Variants in ZNRF3 observed in about 807,000 individuals in gnomAD.
The protein encoded by ZNRF3 is E3 ubiquitin-protein ligase ZNRF3.
Under a neutral mutation model 72.5 loss-of-function variants are expected in ZNRF3, and 23 were observed. The observed-to-expected ratio is 0.32, with a 90% CI of 0.23 to 0.45. The LOEUF is 0.45. ZNRF3 is among the 20% of genes least tolerant of loss of function. The pLI, the probability that ZNRF3 is intolerant of heterozygous loss-of-function variation, is 1.00. For synonymous variants in ZNRF3, 610 were observed against 545.3 expected, an observed-to-expected ratio of 1.12 and a Z score of -1.65; for missense variants, 1,169 against 1,272.1, an observed-to-expected ratio of 0.92 and a Z score of 1.23.
Position 29,001,388 on chromosome 22 carries a change from A to C in ZNRF3, c.426+14187A>C, listed in dbSNP as rs181820793. 3.0e-3 allele frequency among the ~76,000 whole-genome samples: 455 copies of C among 151,274 alleles called. 4 individuals are homozygous for C. Among genetic ancestry groups the C allele is most frequent in the South Asian group, 0.026 (125 of 4,790 alleles). On this transcript the variant is annotated intron_variant, in intron 2 of 8. Coordinates refer to ENST00000544604, the MANE Select transcript of ZNRF3 (RefSeq NM_001206998.2). Reference sequence around the variant, plus strand: ...TAGACATAAGTCCCTTATTAGATACATTATTTGTAAGTATTTTCTCCCATT... The same window carrying C: ...TAGACATAAGTCCCTTATTAGATACCTTATTTGTAAGTATTTTCTCCCATT...
At chr22:28,922,827 A>G (rs1024079325) in intron 1 of ZNRF3, among the ~76,000 whole-genome samples, 10 of 152,180 alleles carry the variant, frequency 6.6e-5, no homozygotes, top group African/African-American at 2.4e-4. Flanking sequence ...GTGCCCCCAT[A>G]TAACCTTTTC....
At chr22:28,961,938 G>A (rs8140511) in intron 1 of ZNRF3, among the ~76,000 whole-genome samples, 1 of 152,108 alleles carries the variant, frequency 6.6e-6, no homozygotes, top group African/African-American at 2.4e-5. Context: ...TTCCTCAGTA[G>A]CATCAAACAT....
At chr22:28,888,913 C>T (rs1316842671) in intron 1 of ZNRF3, among the ~76,000 whole-genome samples, 2 of 151,920 alleles carry the variant, frequency 1.3e-5, no homozygotes, top group African/African-American at 2.4e-5. Flanking sequence ...GTCAGGAGTT[C>T]GAGACCAGCC....
At chr22:28,944,965 T>A (rs192478407) in intron 1 of ZNRF3, among the ~76,000 whole-genome samples, 228 of 147,078 alleles carry the variant, frequency 1.6e-3, no homozygotes, top group African/African-American at 5.5e-3. Context: ...AAATAAATAA[T>A]AATAATACTC....
In ZNRF3 at chr22:28,954,367, CTCT is replaced by C. The variant is rs2035218499; in HGVS notation, c.301-32704_301-32702del. Among the ~76,000 whole-genome samples the C allele has an allele frequency of 2.0e-5, 3 of 152,306 alleles. No individual in the cohort carries two copies. In the South Asian group the frequency reaches 6.2e-4, roughly 32 times the overall value. ...AGTGAGTGAGCAAGCTCTCTGGCAT[CTCT>C]TCTTAGAAGGGTACTAATCTCATCA... On this transcript the variant is annotated intron_variant, in intron 1 of 8. Transcript: ENST00000544604.
intron 8 of ZNRF3, among the ~76,000 whole-genome samples, chr22:29,052,513 C>T (rs1425972734): frequency 2.6e-5 from 4 of 152,002 alleles, no homozygotes; most frequent in South Asian, 2.1e-4. Flanking sequence ...GCCAACATGG[C>T]GAAACCCCGT....
At position 28,996,488 on chromosome 22, in the gene ZNRF3, G is replaced by C. The variant is rs141885279; in HGVS notation, c.426+9287G>C. On this transcript the variant is annotated intron_variant, in intron 2 of 8. Transcript: ENST00000544604. Reference sequence around the variant, plus strand: ...CTTAATCATTTTTGAGAATGTGAAGGAGGTCTGTAATCTGAGTTCATTGAG... The same window carrying C: ...CTTAATCATTTTTGAGAATGTGAAGCAGGTCTGTAATCTGAGTTCATTGAG... Among the ~76,000 whole-genome samples, 485 of 152,324 alleles carry C rather than the reference G, an allele frequency of 3.2e-3. 8 individuals are homozygous for C. Among genetic ancestry groups the C allele is most frequent in the East Asian group, 0.011 (55 of 5,192 alleles).
In ZNRF3 at chr22:29,049,986, G is replaced by T; in HGVS notation, c.1805G>T (p.Arg602Leu). The T allele has an allele frequency of 6.2e-7, 1 of 1,612,112 alleles. No homozygotes were observed. Among genetic ancestry groups the T allele is most frequent in the Non-Finnish European group, 8.5e-7 (1 of 1,179,660 alleles). The change falls in exon 8 of 9, where the codon CGG becomes CTG. Residue 602 changes from arginine to leucine, a missense_variant. This residue lies in a region of ZNRF3 where 783 missense variants were observed against 731.4 expected (regional missense o/e 1.07). Transcript: ENST00000544604. This position sits in a 1 kb window ranked among gnomAD's most constrained non-coding sequence, Gnocchi z 5.2. ...SDYDPFIYRS[R>L]SPCRASEAGG... ...TATGACCCCTTCATCTACCGCAGCC[G>T]GAGCCCCTGTCGTGCCAGTGAGGCG...
chr22:28,966,567 T>C (rs2035464259), intron 1 of ZNRF3, among the ~76,000 whole-genome samples: 1 of 152,260 alleles, frequency 6.6e-6, no homozygotes, highest in Non-Finnish European at 1.5e-5. Context: ...ACATTGATGA[T>C]CCTGACATTG....
Position 29,050,959 on chromosome 22 carries a change from G to C in ZNRF3, c.2767+11G>C. On this transcript the variant is annotated intron_variant, in intron 8 of 8. Coordinates refer to ENST00000544604, the MANE Select transcript of ZNRF3 (RefSeq NM_001206998.2). ...CCACTGAGGCTGCAGGTGAGAGCAG[G>C]AAATGGCAGTAGGTCAGAGCAGGAG... 1 of 1,504,360 alleles carries C rather than the reference G, an allele frequency of 6.6e-7. No homozygotes were observed. Among genetic ancestry groups the C allele is most frequent in the Non-Finnish European group, 8.8e-7 (1 of 1,134,380 alleles). 93.2% of individuals were successfully genotyped at this position (1,504,360 alleles called of 1,614,324 possible). A position where few individuals can be genotyped will look rare whatever the true frequency, so the allele number is the denominator to read the frequency against.
At chr22:29,011,369 C>T (rs193156839) in intron 2 of ZNRF3, among the ~76,000 whole-genome samples, 1 of 152,278 alleles carries the variant, frequency 6.6e-6, no homozygotes, top group East Asian at 1.9e-4. Context: ...GTCTCCGTGG[C>T]CAGCTGCCAC....
intron 2 of ZNRF3, among the ~76,000 whole-genome samples, chr22:29,015,579 A>T (rs2036416235): frequency 6.6e-6 from 1 of 151,286 alleles, no homozygotes; most frequent in Admixed American, 6.6e-5. Context: ...CTGAGGTGGG[A>T]GGATCACTTG....
intron 1 of ZNRF3, among the ~76,000 whole-genome samples, chr22:28,943,721 GT>G (rs1435232967): frequency 6.6e-6 from 1 of 152,156 alleles, no homozygotes; most frequent in Non-Finnish European, 1.5e-5. Context: ...CTTTCCAAGT[GT>G]TTGTGTGTTG....
At chr22:28,957,308 C>T (rs1048216525) in intron 1 of ZNRF3, among the ~76,000 whole-genome samples, 1 of 152,222 alleles carries the variant, frequency 6.6e-6, no homozygotes, top group Non-Finnish European at 1.5e-5. Context: ...TCCTTGGCCT[C>T]ACTCTTCACT....
Position 29,049,176 on chromosome 22 carries a change from G to A in ZNRF3, c.1016-21G>A. 2 of 1,571,636 alleles carry A rather than the reference G, an allele frequency of 1.3e-6. No individual in the cohort carries two copies. The highest frequency in any genetic ancestry group is 1.8e-5 in the Admixed American group (1 of 56,374). ...CAGTATGCTCAGCCCTGCCTACTCT[G>A]TTTCCTCCACTTGTCTCCAGAACAA... On this transcript the variant is annotated intron_variant, in intron 7 of 8. Transcript: ENST00000544604. This position sits in a 1 kb window ranked among gnomAD's most constrained non-coding sequence, Gnocchi z 5.2.
At chr22:28,917,404 G>A in intron 1 of ZNRF3, 1 of 985,418 alleles carries the variant, frequency 1.0e-6, no homozygotes, top group Non-Finnish European at 1.2e-6. Context: ...GAAGTTTGCT[G>A]CATCACTGGT....
chr22:28,896,310 T>G (rs1380572516), intron 1 of ZNRF3, among the ~76,000 whole-genome samples: 3 of 152,144 alleles, frequency 2.0e-5, no homozygotes, highest in Non-Finnish European at 4.4e-5. Flanking sequence ...AATTTTTGTA[T>G]TTTTAGTAGA....
At chr22:29,019,514 CT>C (rs1272612945) in intron 2 of ZNRF3, among the ~76,000 whole-genome samples, 1 of 152,180 alleles carries the variant, frequency 6.6e-6, no homozygotes, top group African/African-American at 2.4e-5. Flanking sequence ...AACAGTACCA[CT>C]TGCATTCATG....
At chr22:29,024,284 G>GTTTTTTTTTTTTTTTTTTTTTTTTTT (rs59532780) in intron 2 of ZNRF3, among the ~76,000 whole-genome samples, 1 of 127,826 alleles carries the variant, frequency 7.8e-6, no homozygotes, top group African/African-American at 2.9e-5. Context: ...GGCATTAACT[G>GTTTTTTTTTTTTTTTTTTTTTTTTTT]TTTTTTTTTT....
Sources: allele counts gnomAD v4.1 joint callset (sites outside exome capture counted in the v4.1 genomes callset), GRCh38; gene constraint gnomAD v4.1.1; regional missense constraint gnomAD v4.1.1; non-coding constraint Gnocchi (gnomAD v3.1); transcripts MANE v1.5; gene names NCBI Gene and HGNC (gene_info 2026-07-23, HGNC 2026-07-21).